The following ARID4B variants were observed in gnomAD, a reference collection of about 807,000 sequenced individuals.
ARID4B encodes the protein AT-rich interactive domain-containing protein 4B.
In ARID4B, 26 loss-of-function variants were observed where a neutral mutation model predicts 147.5. The observed-to-expected ratio is 0.18, with a 90% CI of 0.13 to 0.24. ARID4B has a LOEUF of 0.24. Ranked by LOEUF, ARID4B falls within the 10% of genes least tolerant of loss-of-function variation. ARID4B has a pLI of 1.00. For synonymous variants in ARID4B, 512 were observed against 507.9 expected (o/e 1.01, Z -0.11); for missense variants, 1,179 against 1,511.5 (o/e 0.78, Z 3.65).
At chr1:235,217,211 A>G (rs777607020) in intron 16 of ARID4B, among the ~76,000 whole-genome samples, 3 of 152,212 alleles carry the variant, frequency 2.0e-5, no homozygotes, top group Non-Finnish European at 2.9e-5. Context: ...ACACTGAAGT[A>G]TAAAGAAAAA....
intron 17 of ARID4B, among the ~76,000 whole-genome samples, chr1:235,198,121 A>C (rs1665627051): frequency 6.6e-6 from 1 of 152,224 alleles, no homozygotes. Context: ...TTATGAGAGA[A>C]ACTGAAGTCA....
At chr1:235,184,811 T>C (rs1470437695) in intron 19 of ARID4B, among the ~76,000 whole-genome samples, 1 of 152,170 alleles carries the variant, frequency 6.6e-6, no homozygotes, top group Non-Finnish European at 1.5e-5. Context: ...ATATACTATT[T>C]GTTTTATTTA....
At chr1:235,230,936 G>A (rs1433825494) in intron 10 of ARID4B, among the ~76,000 whole-genome samples, 177 bp downstream of exon 10, 4 of 149,362 alleles carry the variant, frequency 2.7e-5, no homozygotes, top group Non-Finnish European at 4.5e-5. Flanking sequence ...AAAAAGAAAA[G>A]GAAACTTATA....
intron 2 of ARID4B, among the ~76,000 whole-genome samples, chr1:235,301,534 CTTTTT>C (rs567369149): frequency 2.0e-5 from 2 of 99,816 alleles, no homozygotes; most frequent in East Asian, 3.7e-4. Flanking sequence ...GACCCTATTT[CTTTTT>C]TTTTTTTTTT....
chr1:235,264,642 G>A (rs1670488635), intron 2 of ARID4B, among the ~76,000 whole-genome samples: 1 of 152,196 alleles, frequency 6.6e-6, no homozygotes, highest in Non-Finnish European at 1.5e-5. Context: ...GATGTCTGAG[G>A]TAGTCAGCTA....
chr1:235,228,441 T>G (rs1321407815), intron 11 of ARID4B: 2 of 151,090 alleles, frequency 1.3e-5, no homozygotes, highest in Non-Finnish European at 3.0e-5. Context: ...GGCTACTGAG[T>G]GCACTGGGGC....
chr1:235,194,345 C>T (rs1480998929), intron 18 of ARID4B, 134 bp from the exon 19 acceptor site: 1 of 724,076 alleles, frequency 1.4e-6, no homozygotes, highest in Non-Finnish European at 2.2e-6. Flanking sequence ...ACATAAGAAG[C>T]CCCTCAAAAC....
In ARID4B at chr1:235,182,258, T is replaced by C; in HGVS notation, c.2661A>G (p.Lys887=). 1 of 1,612,824 alleles carries C rather than the reference T, an allele frequency of 6.2e-7. No homozygotes were observed. The highest frequency in any genetic ancestry group is 8.5e-7 in the Non-Finnish European group (1 of 1,179,766). Residue 887 remains lysine (K), a synonymous_variant, in exon 20 of 24, where the codon AAA becomes AAG. Coordinates refer to ENST00000264183, the MANE Select transcript of ARID4B (RefSeq NM_016374.6). ...AATAGAAACCAGTTGTCCGTAGAGA[T>C]TTTCTTTTTTCCTCCAAACCATTGT... ...KKYNGLEEKR[K]SLRTTGFYSG... is the part of the protein sequence containing the mutation.
chr1:235,298,120 T>C (rs929785444), intron 2 of ARID4B, among the ~76,000 whole-genome samples: 1 of 152,088 alleles, frequency 6.6e-6, no homozygotes, highest in African/African-American at 2.4e-5. Flanking sequence ...TGAAATGATA[T>C]CTGGAATTTG....
chr1:235,197,595 G>C (rs1020066071), intron 17 of ARID4B, among the ~76,000 whole-genome samples: 1 of 152,168 alleles, frequency 6.6e-6, no homozygotes, highest in African/African-American at 2.4e-5. Context: ...CTTTAGGACA[G>C]ACTTAACATA....
rs772519196 is a variant in ARID4B at position 235,250,324 on chromosome 1, CTGAA to C, written c.354+2402_354+2405del. Among the ~76,000 whole-genome samples the C allele has an allele frequency of 2.6e-3, 399 of 152,160 alleles. 2 individuals are homozygous for C. Among genetic ancestry groups the C allele is most frequent in the Middle Eastern group, 0.024 (7 of 294 alleles). On this transcript the variant is annotated intron_variant, in intron 6 of 23. Coordinates refer to ENST00000264183, the MANE Select transcript of ARID4B (RefSeq NM_016374.6). ...ATGGACTACTACTACTACTAATACT[CTGAA>C]TGGTCTTTCAAAAACGTTAAAACTT...
In ARID4B at chr1:235,230,441, C is replaced by A. The variant is rs562927899; in HGVS notation, c.742+672G>T. On this transcript the variant is annotated intron_variant, in intron 10 of 23. Coordinates refer to ENST00000264183, the MANE Select transcript of ARID4B (RefSeq NM_016374.6). ...CAAAACAAAACAAAACAAAACAAAA[C>A]AAAAAAAACAACAACACAAAGTTAC... Among the ~76,000 whole-genome samples, 163 of 100,370 alleles carry A rather than the reference C, an allele frequency of 1.6e-3. 1 individual carries two copies. The highest frequency in any genetic ancestry group is 6.3e-3 in the African/African-American group (158 of 25,132). 65.8% of individuals were successfully genotyped at this position (100,370 alleles called of 152,430 possible). A position where few individuals can be genotyped will look rare whatever the true frequency, so the allele number is the denominator to read the frequency against.
At chr1:235,186,968 T>C in intron 19 of ARID4B, 2 of 287,150 alleles carry the variant, frequency 7.0e-6, no homozygotes, top group Non-Finnish European at 1.3e-5. Context: ...AGTGCTGGGA[T>C]TACAGGCATG....
At chr1:235,309,440 G>A (rs1472164715) in intron 2 of ARID4B, among the ~76,000 whole-genome samples, 26 of 145,520 alleles carry the variant, frequency 1.8e-4, no homozygotes, top group Non-Finnish European at 2.7e-4. Flanking sequence ...TCAGCCCCCC[G>A]CCCGGCCAGC....
intron 11 of ARID4B, 192 bp downstream of exon 11, chr1:235,229,039 T>A (rs4659674): frequency 0.46 from 285,524 of 615,390 alleles, 67,770 homozygotes; most frequent in South Asian, 0.6. Flanking sequence ...TAATATTTTC[T>A]ATTTCACAAG....
At chr1:235,240,252 T>C (rs1202990568) in intron 8 of ARID4B, 61 bp downstream of exon 8, 1 of 1,429,896 alleles carries the variant, frequency 7.0e-7, no homozygotes, top group Non-Finnish European at 9.5e-7. Context: ...AGTAAGAAAA[T>C]TGTTTTCTTC....
At chr1:235,210,285 G>A (rs1307651213) in intron 17 of ARID4B, among the ~76,000 whole-genome samples, 1 of 151,664 alleles carries the variant, frequency 6.6e-6, no homozygotes, top group Admixed American at 6.6e-5. Context: ...ATGGAAATAG[G>A]TCCACACAAA....
chr1:235,283,072 G>A (rs1302072601), intron 2 of ARID4B, among the ~76,000 whole-genome samples: 2 of 152,136 alleles, frequency 1.3e-5, no homozygotes, highest in East Asian at 1.9e-4. Context: ...CACCGCACCT[G>A]GCCGATACTA....
chr1:235,198,082 A>G (rs1467199732), intron 17 of ARID4B, among the ~76,000 whole-genome samples: 2 of 152,218 alleles, frequency 1.3e-5, no homozygotes, highest in Non-Finnish European at 2.9e-5. Flanking sequence ...TTTGTTTTTA[A>G]AAGAAAACAA....
Sources: allele counts gnomAD v4.1 joint callset (sites outside exome capture counted in the v4.1 genomes callset), GRCh38; gene constraint gnomAD v4.1.1; transcripts MANE v1.5; gene names NCBI Gene and HGNC (gene_info 2026-07-23, HGNC 2026-07-21).